DISC1: variants seen among roughly 807,000 people sequenced by gnomAD.
DISC1 encodes the protein disrupted in schizophrenia 1 protein.
A neutral mutation model predicts 84.5 loss-of-function variants in DISC1; 57 were observed. The ratio of observed to expected loss-of-function variants is 0.67; its 90% CI spans 0.55 to 0.84. The LOEUF is 0.84. Among genes scored for constraint, DISC1 ranks in the 40% least tolerant of loss-of-function variants. DISC1 has a pLI of 0.00. For missense variants in DISC1, 1,000 were observed against 1,057.8 expected (o/e 0.95, Z 0.76); for synonymous variants, 411 against 415.2 (o/e 0.99, Z 0.12).
chr1:232,002,603 AC>A (rs1167857453), intron 10 of DISC1, among the ~76,000 whole-genome samples: 1 of 64,946 alleles, frequency 1.5e-5, no homozygotes, highest in East Asian at 4.2e-4. Flanking sequence ...GAGCACACAC[AC>A]ACACACACAC....
intron 1 of DISC1, among the ~76,000 whole-genome samples, chr1:231,627,202 G>C (rs1473911732): frequency 2.0e-5 from 3 of 152,188 alleles, no homozygotes; most frequent in African/African-American, 7.2e-5. Context: ...TTGCGAAACT[G>C]TAGGAGTCTG....
At chr1:231,873,639 A>G (rs2085630266) in intron 9 of DISC1, among the ~76,000 whole-genome samples, 1 of 152,216 alleles carries the variant, frequency 6.6e-6, no homozygotes, top group Admixed American at 6.5e-5. Flanking sequence ...GAAAATGCAG[A>G]TGACAAATTT....
At chr1:231,704,285 G>A (rs1046027953) in intron 3 of DISC1, among the ~76,000 whole-genome samples, 2 of 152,172 alleles carry the variant, frequency 1.3e-5, no homozygotes, top group African/African-American at 4.8e-5. Flanking sequence ...ACCTGAAGGT[G>A]GGCTTAGTTC....
At chr1:231,744,690 A>G (rs1448746417) in intron 3 of DISC1, among the ~76,000 whole-genome samples, 1 of 152,182 alleles carries the variant, frequency 6.6e-6, no homozygotes, top group Admixed American at 6.5e-5. Flanking sequence ...TCCATGACCT[A>G]TTCATCACAG....
chr1:231,948,575 G>T (rs1247708037), intron 9 of DISC1, among the ~76,000 whole-genome samples: 2 of 151,904 alleles, frequency 1.3e-5, no homozygotes, highest in Non-Finnish European at 2.9e-5. Context: ...TGCATGTTCT[G>T]CACATGTACC....
chr1:231,753,495 G>T (rs910644933), intron 4 of DISC1, among the ~76,000 whole-genome samples: 5 of 152,210 alleles, frequency 3.3e-5, no homozygotes, highest in African/African-American at 1.2e-4. Context: ...GAGCACTGGG[G>T]CCCTGGGGCT....
At chr1:231,749,585 A>G (rs2074374836) in intron 3 of DISC1, among the ~76,000 whole-genome samples, 1 of 152,216 alleles carries the variant, frequency 6.6e-6, no homozygotes, top group Admixed American at 6.5e-5. Flanking sequence ...AAACTCACCA[A>G]AATTATAGTT....
intron 3 of DISC1, among the ~76,000 whole-genome samples, chr1:231,715,220 A>G (rs1209372388): frequency 6.6e-6 from 1 of 152,196 alleles, no homozygotes; most frequent in Admixed American, 6.5e-5. Flanking sequence ...AGATGGGGGA[A>G]CTGGTGCAGT....
intron 9 of DISC1, among the ~76,000 whole-genome samples, chr1:231,906,276 C>T (rs1261752908): frequency 1.3e-5 from 2 of 152,288 alleles, no homozygotes; most frequent in Middle Eastern, 3.4e-3. Flanking sequence ...CCTGCCTTGA[C>T]CTCCCAAAGT....
At chr1:231,834,252 C>T (rs935680078) in intron 9 of DISC1, among the ~76,000 whole-genome samples, 5 of 151,802 alleles carry the variant, frequency 3.3e-5, no homozygotes, top group East Asian at 3.9e-4. Flanking sequence ...GAGTGGAGGC[C>T]GAGGAAGAAT....
intron 1 of DISC1, among the ~76,000 whole-genome samples, chr1:231,639,510 C>T (rs1220460489): frequency 6.6e-6 from 1 of 152,194 alleles, no homozygotes. Flanking sequence ...AAGGCAAACT[C>T]ACTTAAATTG....
At chr1:231,959,926 T>G (rs1660147494) in intron 10 of DISC1, among the ~76,000 whole-genome samples, 4 of 152,158 alleles carry the variant, frequency 2.6e-5, no homozygotes. Context: ...CTTCTTGATC[T>G]CAACTGCAGC....
chr1:231,958,713 T>C (rs1470977767), intron 9 of DISC1, 115 bp from the exon 10 acceptor site: 8 of 1,045,804 alleles, frequency 7.6e-6, no homozygotes, highest in Non-Finnish European at 1.2e-5. Context: ...ACATAGAATG[T>C]TACGATTACT....
intron 3 of DISC1, among the ~76,000 whole-genome samples, chr1:231,727,866 C>T (rs1573303583): frequency 2.0e-5 from 3 of 151,522 alleles, no homozygotes; most frequent in Non-Finnish European, 1.5e-5. Context: ...GTCGGAGGAT[C>T]GCTTGAGCCC....
At chr1:232,026,058 C>G (rs921966703) in intron 11 of DISC1, among the ~76,000 whole-genome samples, 22 of 152,122 alleles carry the variant, frequency 1.4e-4, no homozygotes, top group African/African-American at 5.3e-4. Flanking sequence ...CAGGTTAGCC[C>G]AGTTGCTCCT....
At chr1:231,893,976 C>A (rs1460752578) in intron 9 of DISC1, among the ~76,000 whole-genome samples, 1 of 152,130 alleles carries the variant, frequency 6.6e-6, no homozygotes, top group African/African-American at 2.4e-5. Context: ...GAGCAGTTTA[C>A]CACATACCAC....
At chr1:231,872,970 C>T (rs1032933481) in intron 9 of DISC1, among the ~76,000 whole-genome samples, 1 of 152,158 alleles carries the variant, frequency 6.6e-6, no homozygotes, top group Non-Finnish European at 1.5e-5. Context: ...ATGTAGCTTC[C>T]CACTACTGCA....
chr1:231,891,596 G>A (rs1478808881), intron 9 of DISC1, among the ~76,000 whole-genome samples: 3 of 152,098 alleles, frequency 2.0e-5, no homozygotes, highest in Non-Finnish European at 2.9e-5. Context: ...TGGGATGTAG[G>A]GGCTGCCCCT....
intron 9 of DISC1, among the ~76,000 whole-genome samples, chr1:231,892,150 G>T (rs1257078178): frequency 2.6e-5 from 4 of 152,178 alleles, no homozygotes; most frequent in Admixed American, 6.5e-5. Context: ...ACACACCTGG[G>T]AATGGCCACA....
Sources: gnomAD v4.1 joint callset for allele counts (sites outside exome capture counted in the v4.1 genomes callset) on GRCh38, gnomAD v4.1.1 for gene constraint, MANE v1.5 for transcripts, NCBI Gene and HGNC (gene_info 2026-07-23, HGNC 2026-07-21) for gene names.